Variants in FGF14 observed in about 807,000 individuals in gnomAD.
The protein encoded by FGF14 is fibroblast growth factor 14, also known as fibroblast growth factor homologous factor 4.
In FGF14, 5 loss-of-function variants were observed where a neutral mutation model predicts 25.5. The observed-to-expected ratio is 0.20, with a 90% CI of 0.10 to 0.41. The LOEUF (loss-of-function observed/expected upper bound fraction) is 0.41, where lower values mean the gene tolerates loss of function less well. Ranked by LOEUF, FGF14 falls within the 10% of genes least tolerant of loss-of-function variation. The pLI, the probability that FGF14 is intolerant of heterozygous loss-of-function variation, is 1.00. For synonymous variants in FGF14, 138 were observed against 118.3 expected, an observed-to-expected ratio of 1.17 and a Z score of -1.08; for missense variants, 222 against 320.1, an observed-to-expected ratio of 0.69 and a Z score of 2.34.
chr13:101,712,777 T>C lies in FGF14; in HGVS notation c.*10054A>G, dbSNP rs1189343693. Reference sequence around the variant, plus strand: ...AGCAGTAGAGTGCTGTACATTTTTTTATGCCTAGAAATGTGAAAGAAAGTC... The same window carrying C: ...AGCAGTAGAGTGCTGTACATTTTTTCATGCCTAGAAATGTGAAAGAAAGTC... On this transcript the variant is annotated 3_prime_UTR_variant, in exon 5 of 5. Transcript: ENST00000376143. 6.6e-6 allele frequency: 1 copy of C among 152,196 alleles called. No homozygotes were observed. Among genetic ancestry groups the C allele is most frequent in the Non-Finnish European group, 1.5e-5 (1 of 68,024 alleles). The allele number at this position is 152,196 out of a possible 1,614,324, so 9.4% of individuals were successfully genotyped here. A position where few individuals can be genotyped will look rare whatever the true frequency, so the allele number is the denominator to read the frequency against.
chr13:102,151,863 C>T (rs1266483001), intron 1 of FGF14, among the ~76,000 whole-genome samples: 2 of 152,118 alleles, frequency 1.3e-5, no homozygotes, highest in Non-Finnish European at 2.9e-5. Context: ...ATAATACTTA[C>T]ATAATATTTA....
chr13:102,008,594 T>C (rs2039923744), intron 1 of FGF14, among the ~76,000 whole-genome samples: 2 of 152,194 alleles, frequency 1.3e-5, no homozygotes, highest in South Asian at 4.1e-4. Flanking sequence ...CACATTTGGA[T>C]AATTGACAGC....
intron 1 of FGF14, among the ~76,000 whole-genome samples, chr13:102,211,942 C>G (rs939010716): frequency 6.6e-6 from 1 of 152,170 alleles, no homozygotes; most frequent in Non-Finnish European, 1.5e-5. Context: ...TCGTATCAAT[C>G]CTAAATGTCC....
intron 1 of FGF14, among the ~76,000 whole-genome samples, chr13:101,960,093 G>C (rs1018587065): frequency 6.6e-6 from 1 of 152,106 alleles, no homozygotes; most frequent in African/African-American, 2.4e-5. Flanking sequence ...AGTTTCACTT[G>C]CCTCAACCTG....
chr13:101,892,883 T>C (rs2029964512), intron 1 of FGF14, among the ~76,000 whole-genome samples: 1 of 152,026 alleles, frequency 6.6e-6, no homozygotes, highest in Non-Finnish European at 1.5e-5. Context: ...GATGGCCAAG[T>C]GTCCAAATCT....
At chr13:102,328,077 C>T (rs1190833839) in intron 1 of FGF14, among the ~76,000 whole-genome samples, 2 of 151,744 alleles carry the variant, frequency 1.3e-5, no homozygotes, top group Non-Finnish European at 2.9e-5. Context: ...CATAAGTCTC[C>T]CTATTATCTC....
At chr13:102,398,095 C>A (rs2058624314) in intron 1 of FGF14, among the ~76,000 whole-genome samples, 1 of 150,580 alleles carries the variant, frequency 6.6e-6, no homozygotes, top group South Asian at 2.1e-4. Context: ...ATGAAGATAG[C>A]AAATTTACTT....
At chr13:101,898,963 A>T (rs976226781) in intron 1 of FGF14, among the ~76,000 whole-genome samples, 1 of 152,224 alleles carries the variant, frequency 6.6e-6, no homozygotes, top group African/African-American at 2.4e-5. Flanking sequence ...AAAGCTGAGA[A>T]TCAGAGCAAA....
At chr13:101,743,843 G>C (rs1483978848) in intron 3 of FGF14, among the ~76,000 whole-genome samples, 1 of 151,840 alleles carries the variant, frequency 6.6e-6, no homozygotes, top group East Asian at 1.9e-4. Context: ...TTACAAATCA[G>C]GTATATATAC....
At chr13:101,743,358 A>G (rs897936123) in intron 3 of FGF14, among the ~76,000 whole-genome samples, 7 of 152,192 alleles carry the variant, frequency 4.6e-5, no homozygotes, top group African/African-American at 1.4e-4. Context: ...CTGTTTACCA[A>G]TTGTGGAATT....
chr13:102,028,110 A>T lies in FGF14; in HGVS notation c.209-152814T>A, dbSNP rs374763694. On this transcript the variant is annotated intron_variant, in intron 1 of 4. Coordinates refer to the FGF14 transcript ENST00000376131. Reference sequence around the variant, plus strand: ...TGTCACTGTTAGAAAACCCCATAAGAAGGGAAGAAGGAAAGGAAAGCGTGT... The same window carrying T: ...TGTCACTGTTAGAAAACCCCATAAGTAGGGAAGAAGGAAAGGAAAGCGTGT... 2.0e-5 allele frequency among the ~76,000 whole-genome samples: 3 copies of T among 152,040 alleles called. No individual in the cohort carries two copies. In the East Asian group the frequency reaches 5.8e-4, roughly 29 times the overall value.
chr13:102,115,784 G>A (rs77044639), intron 1 of FGF14, among the ~76,000 whole-genome samples: 4 of 148,284 alleles, frequency 2.7e-5, no homozygotes, highest in Non-Finnish European at 5.9e-5. Context: ...AGCGACACAC[G>A]ATTTACCCAT....
intron 1 of FGF14, among the ~76,000 whole-genome samples, chr13:102,347,361 G>A (rs1007700497): frequency 2.0e-5 from 3 of 152,158 alleles, no homozygotes; most frequent in Non-Finnish European, 4.4e-5. Flanking sequence ...TCCTAAAGGA[G>A]ATATGCAGGT....
At chr13:102,130,730 T>G (rs894424011) in intron 1 of FGF14, among the ~76,000 whole-genome samples, 2 of 152,136 alleles carry the variant, frequency 1.3e-5, no homozygotes, top group African/African-American at 2.4e-5. Flanking sequence ...GATGACACTT[T>G]CAAACATCAC....
At position 101,715,638 on chromosome 13, in the gene FGF14, G is replaced by C; in HGVS notation, c.*7193C>G. ...GGAAATGCATGTGAAATCTGGCTTGGCTCAGAATATCCTTAACAATTACAT... is the reference window on the plus strand; with the variant it reads ...GGAAATGCATGTGAAATCTGGCTTGCCTCAGAATATCCTTAACAATTACAT... On this transcript the variant is annotated 3_prime_UTR_variant, in exon 5 of 5. Transcript: ENST00000376143. 6.2e-7 allele frequency: 1 copy of C among 1,610,926 alleles called. No homozygotes were observed. Among genetic ancestry groups the C allele is most frequent in the East Asian group, 2.2e-5 (1 of 44,828 alleles).
chr13:102,241,758 T>G (rs765290378), intron 1 of FGF14, among the ~76,000 whole-genome samples: 1 of 152,042 alleles, frequency 6.6e-6, no homozygotes, highest in African/African-American at 2.4e-5. Flanking sequence ...TAGAGTACAA[T>G]GAAGATAGAC....
intron 3 of FGF14, among the ~76,000 whole-genome samples, chr13:101,812,598 T>A (rs1431179795): frequency 7.3e-6 from 1 of 137,920 alleles, no homozygotes; most frequent in Non-Finnish European, 1.6e-5. Flanking sequence ...ACTATTTTTT[T>A]ATATTTTTAA....
At chr13:102,281,123 A>AG in intron 1 of FGF14, among the ~76,000 whole-genome samples, 1 of 152,220 alleles carries the variant, frequency 6.6e-6, no homozygotes, top group East Asian at 1.9e-4. Flanking sequence ...GGCCAAACAT[A>AG]AAATAATTTT....
chr13:101,853,513 C>CA (rs2043964532), intron 3 of FGF14, among the ~76,000 whole-genome samples: 1 of 152,040 alleles, frequency 6.6e-6, no homozygotes, highest in African/African-American at 2.4e-5. Flanking sequence ...GGTGCAGTGG[C>CA]ATGATCATGG....
Sources: allele counts gnomAD v4.1 joint callset (sites outside exome capture counted in the v4.1 genomes callset), GRCh38; gene constraint gnomAD v4.1.1; transcripts MANE v1.5; gene names NCBI Gene and HGNC (gene_info 2026-07-23, HGNC 2026-07-21).